The following VTI1A variants were observed in gnomAD, a reference collection of about 807,000 sequenced individuals.
VTI1A encodes vesicle transport through interaction with t-SNAREs 1A.
A neutral mutation model predicts 34.9 loss-of-function variants in VTI1A; 22 were observed. The ratio of observed to expected loss-of-function variants is 0.63; its 90% CI spans 0.45 to 0.90. The LOEUF is 0.90. VTI1A is among the 40% of genes least tolerant of loss of function. The pLI is 0.00. For missense variants in VTI1A, 268 were observed against 275.6 expected (o/e 0.97, Z 0.20); for synonymous variants, 87 against 97.3 (o/e 0.89, Z 0.62).
intron 3 of VTI1A, among the ~76,000 whole-genome samples, chr10:112,465,752 T>C (rs1006432812): frequency 6.6e-6 from 1 of 152,160 alleles, no homozygotes; most frequent in Non-Finnish European, 1.5e-5. Flanking sequence ...AGTTTCAGTT[T>C]TGCCAGACTG....
At chr10:112,652,935 G>GTTC (rs1847093431) in intron 5 of VTI1A, among the ~76,000 whole-genome samples, 1 of 152,172 alleles carries the variant, frequency 6.6e-6, no homozygotes, top group Non-Finnish European at 1.5e-5. Flanking sequence ...TGGACAAAAT[G>GTTC]CATACACAAA....
At chr10:112,738,508 G>A (rs1181502912) in intron 7 of VTI1A, among the ~76,000 whole-genome samples, 2 of 152,052 alleles carry the variant, frequency 1.3e-5, no homozygotes, top group Non-Finnish European at 2.9e-5. Flanking sequence ...CTCAGTGAAC[G>A]GCTGATGAAT....
the VTI1A span, among the ~76,000 whole-genome samples, chr10:112,834,665 G>A: frequency 6.6e-6 from 1 of 152,162 alleles, no homozygotes; most frequent in Admixed American, 6.5e-5. Flanking sequence ...AACAAGATAT[G>A]GCTGGCATTT....
intron 5 of VTI1A, among the ~76,000 whole-genome samples, chr10:112,563,674 T>C (rs1349301253): frequency 6.6e-6 from 1 of 152,232 alleles, no homozygotes; most frequent in African/African-American, 2.4e-5. Flanking sequence ...CTGTCTCTAA[T>C]GGTCTTAATT....
chr10:112,578,210 C>T (rs919084755), intron 5 of VTI1A, among the ~76,000 whole-genome samples: 2 of 151,990 alleles, frequency 1.3e-5, no homozygotes, highest in Non-Finnish European at 2.9e-5. Context: ...ATAACTGAGG[C>T]TCGAATTAGG....
chr10:112,749,105 A>T (rs1232630637), intron 7 of VTI1A, among the ~76,000 whole-genome samples: 1 of 152,058 alleles, frequency 6.6e-6, no homozygotes, highest in Admixed American at 6.6e-5. Context: ...GTCTGACATG[A>T]TTTTTTTTCT....
At chr10:112,832,754 G>A in the VTI1A span, among the ~76,000 whole-genome samples, 1 of 152,316 alleles carries the variant, frequency 6.6e-6, no homozygotes, top group Admixed American at 6.5e-5. Flanking sequence ...CAGAAATGTG[G>A]CCTCTCTCAG....
chr10:112,619,622 G>A lies in VTI1A; in HGVS notation c.428-48596G>A, dbSNP rs111745636. On this transcript the variant is annotated intron_variant, in intron 5 of 7. Coordinates refer to ENST00000393077, the MANE Select transcript of VTI1A (RefSeq NM_145206.4). ...TTCCAAACCATACCTAATTTTTGCA[G>A]AACTTTCCTCTTTAATGTTTTGCCC... is the stretch of plus-strand genomic sequence containing the variant. 1.5e-3 allele frequency among the ~76,000 whole-genome samples: 235 copies of A among 152,278 alleles called. 1 individual carries two copies. Among genetic ancestry groups the A allele is most frequent in the African/African-American group, 5.5e-3 (227 of 41,558 alleles).
chr10:112,812,459 A>G (rs1307084186), intron 7 of VTI1A, among the ~76,000 whole-genome samples: 2 of 152,186 alleles, frequency 1.3e-5, no homozygotes, highest in African/African-American at 4.8e-5. Flanking sequence ...GCCTACAGCA[A>G]TACAGGCCGG....
intron 7 of VTI1A, among the ~76,000 whole-genome samples, chr10:112,711,022 T>C (rs1023061162): frequency 6.6e-6 from 1 of 152,252 alleles, no homozygotes; most frequent in Non-Finnish European, 1.5e-5. Context: ...AGTAATAACA[T>C]TTTAAACCAC....
chr10:112,563,601 G>T (rs988888034), intron 5 of VTI1A, among the ~76,000 whole-genome samples: 4 of 152,116 alleles, frequency 2.6e-5, no homozygotes, highest in Non-Finnish European at 5.9e-5. Context: ...ACATTAACAC[G>T]CTTGAGGAAA....
chr10:112,721,683 GT>G (rs1365353866), intron 7 of VTI1A, among the ~76,000 whole-genome samples: 1 of 152,160 alleles, frequency 6.6e-6, no homozygotes, highest in Non-Finnish European at 1.5e-5. Context: ...CCATAATGAT[GT>G]GCTGTTGGGC....
chr10:112,628,293 CTTTATG>C (rs1257201340), intron 5 of VTI1A, among the ~76,000 whole-genome samples: 1 of 152,058 alleles, frequency 6.6e-6, no homozygotes, highest in African/African-American at 2.4e-5. Flanking sequence ...GGACTGGAAT[CTTTATG>C]TTTAGGTGTT....
chr10:112,682,239 T>C (rs1454724950), intron 7 of VTI1A, among the ~76,000 whole-genome samples: 1 of 152,208 alleles, frequency 6.6e-6, no homozygotes, highest in African/African-American at 2.4e-5. Context: ...TAGGGCTTTA[T>C]GTAAGCTTTT....
chr10:112,852,805 A>G, the VTI1A span, among the ~76,000 whole-genome samples: 2 of 152,060 alleles, frequency 1.3e-5, no homozygotes, highest in Non-Finnish European at 2.9e-5. Flanking sequence ...TTTGAGACAG[A>G]GTCTTGCTCT....
intron 7 of VTI1A, among the ~76,000 whole-genome samples, chr10:112,738,703 C>A (rs1282457310): frequency 3.3e-5 from 5 of 152,140 alleles, no homozygotes; most frequent in African/African-American, 1.2e-4. Flanking sequence ...TCTTATAAGA[C>A]TGTTGAGTTT....
chr10:112,602,946 T>C (rs2134477545), intron 5 of VTI1A, among the ~76,000 whole-genome samples: 1 of 152,332 alleles, frequency 6.6e-6, no homozygotes, highest in Admixed American at 6.5e-5. Flanking sequence ...GATGTGCTGC[T>C]TAATTTTTTT....
At chr10:112,542,240 G>C (rs1291546360) in intron 5 of VTI1A, among the ~76,000 whole-genome samples, 1 of 152,148 alleles carries the variant, frequency 6.6e-6, no homozygotes, top group African/African-American at 2.4e-5. Flanking sequence ...GAAATGCAAG[G>C]CTCACTCTCT....
chr10:112,762,952 T>C (rs1851520705), intron 7 of VTI1A, among the ~76,000 whole-genome samples: 1 of 152,136 alleles, frequency 6.6e-6, no homozygotes, highest in Non-Finnish European at 1.5e-5. Context: ...AATATATATA[T>C]AACAAGAGCC....
Sources: allele counts gnomAD v4.1 joint callset (sites outside exome capture counted in the v4.1 genomes callset), GRCh38; gene constraint gnomAD v4.1.1; transcripts MANE v1.5; gene names NCBI Gene and HGNC (gene_info 2026-07-23, HGNC 2026-07-21).